Variants in CSF1 observed in about 807,000 individuals in gnomAD.
CSF1 encodes macrophage colony-stimulating factor 1.
CSF1 carries 9 observed loss-of-function variants against 48.9 expected under a neutral mutation model. The observed-to-expected ratio is 0.18, with a 90% CI of 0.11 to 0.32. The LOEUF is 0.32. Among genes scored for constraint, CSF1 ranks in the 10% least tolerant of loss-of-function variants. The pLI, the probability that CSF1 is intolerant of heterozygous loss-of-function variation, is 1.00. For missense variants in CSF1, 672 were observed against 697.9 expected (o/e 0.96, Z 0.42); for synonymous variants, 305 against 284.1 (o/e 1.07, Z -0.74).
At position 109,929,437 on chromosome 1, in the gene CSF1, G is replaced by C. The variant is rs3883956; in HGVS notation, c.*599G>C. 1 of 152,634 alleles carries C rather than the reference G, an allele frequency of 6.6e-6. No individual in the cohort carries two copies. The highest frequency in any genetic ancestry group is 2.4e-5 in the African/African-American group (1 of 41,440). The allele number at this position is 152,634 out of a possible 1,614,324, so 9.5% of individuals were successfully genotyped here. ...GCTGGTCTGCACTGACAGCCTGAAG[G>C]GTCTACACCCTCGGCTCACCTAAGT... On this transcript the variant is annotated 3_prime_UTR_variant, in exon 9 of 9. Transcript: ENST00000329608.
intron 4 of CSF1, among the ~76,000 whole-genome samples, chr1:109,920,243 G>A (rs1247858259): frequency 6.6e-6 from 1 of 151,814 alleles, no homozygotes; most frequent in Non-Finnish European, 1.5e-5. Flanking sequence ...AGAAGACTGG[G>A]CTCAGCTCCA....
intron 2 of CSF1, among the ~76,000 whole-genome samples, chr1:109,915,346 C>T (rs1323094735): frequency 1.3e-5 from 2 of 152,158 alleles, no homozygotes; most frequent in Non-Finnish European, 1.5e-5. Context: ...AGATTATATC[C>T]TATATTCTTC....
At chr1:109,916,873 T>C (rs1405637187) in intron 3 of CSF1, among the ~76,000 whole-genome samples, 1 of 152,210 alleles carries the variant, frequency 6.6e-6, no homozygotes, top group Non-Finnish European at 1.5e-5. Context: ...GGTTATTCTT[T>C]GGACCATGAG....
intron 4 of CSF1, among the ~76,000 whole-genome samples, chr1:109,920,194 A>C (rs1647465172): frequency 1.0e-5 from 1 of 99,208 alleles, no homozygotes; most frequent in South Asian, 2.7e-4. Context: ...ACTTCATCTC[A>C]AAAAAAAAAA....
intron 8 of CSF1, among the ~76,000 whole-genome samples, chr1:109,925,888 G>A (rs1483562893): frequency 1.3e-5 from 2 of 152,066 alleles, no homozygotes; most frequent in South Asian, 2.1e-4. Context: ...TGGGAGAAAC[G>A]TCTTCCTCAT....
chr1:109,918,325 G>C (rs1360395411), intron 4 of CSF1, among the ~76,000 whole-genome samples: 1 of 152,152 alleles, frequency 6.6e-6, no homozygotes, highest in East Asian at 1.9e-4. Context: ...GATCACATGT[G>C]GTTTTAGAGA....
intron 8 of CSF1, chr1:109,926,286 T>A (rs968084592): frequency 6.6e-6 from 1 of 152,248 alleles, no homozygotes; most frequent in Non-Finnish European, 1.5e-5. Context: ...GTTGAGCCTG[T>A]GGTCTATTAA....
chr1:109,910,981 AGC>A lies in CSF1; in HGVS notation c.-41_-40del. ...GCAGCAGCCAGCGAGCGAGCGAGCGAGCGAGGGCGGCCGACGCGCCCGGCCGG... is the reference window on the plus strand; with the variant it reads ...GCAGCAGCCAGCGAGCGAGCGAGCGAGAGGGCGGCCGACGCGCCCGGCCGG... On this transcript the variant is annotated 5_prime_UTR_variant, in exon 1 of 9. Coordinates refer to ENST00000329608, the MANE Select transcript of CSF1 (RefSeq NM_000757.6). 1 of 1,116,914 alleles carries A rather than the reference AGC, an allele frequency of 9.0e-7. No homozygotes were observed. Among genetic ancestry groups the A allele is most frequent in the Non-Finnish European group, 1.1e-6 (1 of 917,528 alleles). 69.2% of individuals were successfully genotyped at this position (1,116,914 alleles called of 1,614,324 possible).
intron 1 of CSF1, among the ~76,000 whole-genome samples, chr1:109,912,937 G>A (rs1220894722): frequency 6.6e-6 from 1 of 151,982 alleles, no homozygotes; most frequent in Non-Finnish European, 1.5e-5. Context: ...TGTGCTGAGT[G>A]GTATGAAACT....
chr1:109,922,928 T>C (rs1647629897), intron 5 of CSF1, among the ~76,000 whole-genome samples: 1 of 152,136 alleles, frequency 6.6e-6, no homozygotes, highest in Non-Finnish European at 1.5e-5. Flanking sequence ...ACCCCCAGTG[T>C]GTGCATCTCA....
chr1:109,914,922 G>A (rs1434111402), intron 2 of CSF1, among the ~76,000 whole-genome samples: 2 of 152,256 alleles, frequency 1.3e-5, no homozygotes, highest in African/African-American at 4.8e-5. Context: ...GGGCCATGAA[G>A]GAGCCTGTAT....
rs1289546236 is a variant in CSF1 at position 109,923,423 on chromosome 1, G to A, written c.802G>A (p.Val268Ile). ...CQSFEPPETP[V>I]VKDSTIGGSP... Reference sequence around the variant, plus strand: ...GAGCTTTGAGCCGCCAGAGACCCCAGTTGTCAAGGACAGCACCATCGGTGG... The same window carrying A: ...GAGCTTTGAGCCGCCAGAGACCCCAATTGTCAAGGACAGCACCATCGGTGG... Residue 268 changes from valine (V) to isoleucine (I), a missense_variant, in exon 6 of 9, where the codon GTT becomes ATT. Around this residue, in one of 3 missense-constraint regions of CSF1, gnomAD observed 591 missense variants for 593.6 expected, o/e 1.00. Transcript: ENST00000329608. 1.9e-6 allele frequency: 3 copies of A among 1,613,936 alleles called. No individual in the cohort carries two copies. The highest frequency in any genetic ancestry group is 2.5e-6 in the Non-Finnish European group (3 of 1,179,992).
intron 8 of CSF1, 59 bp downstream of exon 8, chr1:109,925,261 G>A (rs370063687): frequency 6.9e-6 from 10 of 1,451,666 alleles, no homozygotes; most frequent in East Asian, 4.5e-5. Flanking sequence ...TTCCAGTCAC[G>A]TTCACCTGTT....
In CSF1 at chr1:109,923,711, G is replaced by C; in HGVS notation, c.1090G>C (p.Gly364Arg). The C allele has an allele frequency of 6.2e-7, 1 of 1,613,216 alleles. No individual in the cohort carries two copies. Among genetic ancestry groups the C allele is most frequent in the Non-Finnish European group, 8.5e-7 (1 of 1,179,538 alleles). Residue 364 changes from glycine to arginine, a missense_variant, in exon 6 of 9, where the codon GGT becomes CGT. Coordinates refer to ENST00000329608, the MANE Select transcript of CSF1 (RefSeq NM_000757.6). ...AKGQQPADVT[G>R]TALPRVGPVR... is the part of the protein sequence containing the mutation. ...GGGCCAACAGCCGGCAGATGTAACT[G>C]GTACCGCCTTGCCCAGGGTGGGCCC...
chr1:109,916,662 A>G (rs1006930082), intron 3 of CSF1, among the ~76,000 whole-genome samples: 9 of 152,212 alleles, frequency 5.9e-5, no homozygotes, highest in Admixed American at 3.3e-4. Context: ...CCTGACCCAT[A>G]TGCACCTCTG....
At chr1:109,912,167 G>A (rs1227634811) in intron 1 of CSF1, among the ~76,000 whole-genome samples, 2 of 152,066 alleles carry the variant, frequency 1.3e-5, no homozygotes, top group South Asian at 4.1e-4. Flanking sequence ...AGAAAGCAAA[G>A]CTTCGGGGCT....
intron 5 of CSF1, among the ~76,000 whole-genome samples, chr1:109,922,786 G>A (rs1647621650): frequency 6.6e-6 from 1 of 152,196 alleles, no homozygotes. Context: ...TGTCTCTGGG[G>A]CTTGAAGTTG....
At chr1:109,911,702 G>A (rs1654695935) in intron 1 of CSF1, among the ~76,000 whole-genome samples, 1 of 152,240 alleles carries the variant, frequency 6.6e-6, no homozygotes, top group Non-Finnish European at 1.5e-5. Flanking sequence ...GCTGCTTGGG[G>A]CTAGCTCAGA....
chr1:109,914,956 T>A (rs972731554), intron 2 of CSF1, among the ~76,000 whole-genome samples: 1 of 152,172 alleles, frequency 6.6e-6, no homozygotes, highest in African/African-American at 2.4e-5. Flanking sequence ...GACCCATACG[T>A]GGTCCAGCCA....
Sources: gnomAD v4.1 joint callset for allele counts (sites outside exome capture counted in the v4.1 genomes callset) on GRCh38, gnomAD v4.1.1 for gene constraint, gnomAD v4.1.1 regional missense constraint, MANE v1.5 for transcripts, NCBI Gene and HGNC (gene_info 2026-07-23, HGNC 2026-07-21) for gene names.